Variants in GRM5 observed in about 807,000 individuals in gnomAD.
GRM5 encodes metabotropic glutamate receptor 5.
In GRM5, 19 loss-of-function variants were observed where a neutral mutation model predicts 83.1. The observed-to-expected ratio is 0.23, with a 90% confidence interval of 0.16 to 0.34. The LOEUF (loss-of-function observed/expected upper bound fraction) is 0.34, where lower values mean the gene tolerates loss of function less well. GRM5 is among the 10% of genes least tolerant of loss of function. GRM5 has a pLI of 1.00. For missense variants in GRM5, 1,160 were observed against 1,588.3 expected (o/e 0.73, Z 4.58); for synonymous variants, 675 against 633.6 (o/e 1.07, Z -0.98).
At chr11:88,932,143 C>T (rs991581171) in intron 2 of GRM5, among the ~76,000 whole-genome samples, 3 of 152,038 alleles carry the variant, frequency 2.0e-5, no homozygotes, top group Admixed American at 2.0e-4. Context: ...TTCAACAATC[C>T]ATTTCAAAAA....
intron 3 of GRM5, among the ~76,000 whole-genome samples, chr11:88,703,041 A>T (rs10741500): frequency 0.79 from 120,206 of 152,066 alleles, 51,105 homozygotes; most frequent in Non-Finnish European, 0.96. Context: ...TGGGGGATAT[A>T]ATATCTTGTT....
intron 3 of GRM5, among the ~76,000 whole-genome samples, chr11:88,674,585 A>G (rs780164102): frequency 5.3e-5 from 8 of 151,868 alleles, no homozygotes; most frequent in Non-Finnish European, 1.0e-4. Context: ...AAGGAATGCT[A>G]CCATTGTTCC....
chr11:88,541,530 T>C (rs1410661509), intron 8 of GRM5, among the ~76,000 whole-genome samples: 1 of 152,216 alleles, frequency 6.6e-6, no homozygotes, highest in African/African-American at 2.4e-5. Context: ...GCTCTTCAGA[T>C]TTGTCTAACT....
chr11:88,612,957 A>G (rs183968397), intron 4 of GRM5: 18 of 152,240 alleles, frequency 1.2e-4, no homozygotes, highest in Non-Finnish European at 2.2e-4. Context: ...TTTTTATCCC[A>G]AAGTCATTCA....
At chr11:88,608,244 A>G (rs746593913) in intron 4 of GRM5, among the ~76,000 whole-genome samples, 24 of 152,086 alleles carry the variant, frequency 1.6e-4, no homozygotes, top group Non-Finnish European at 2.4e-4. Flanking sequence ...GTTGGTAACC[A>G]GTGCATGGTG....
intron 4 of GRM5, among the ~76,000 whole-genome samples, chr11:88,632,499 AC>A (rs1051710697): frequency 5.9e-5 from 9 of 152,082 alleles, no homozygotes; most frequent in Non-Finnish European, 1.2e-4. Flanking sequence ...TTTTCTGGCT[AC>A]TTAGACTCAT....
At chr11:88,942,018 A>G (rs551093706) in intron 2 of GRM5, among the ~76,000 whole-genome samples, 1 of 152,184 alleles carries the variant, frequency 6.6e-6, no homozygotes, top group East Asian at 1.9e-4. Context: ...ATGCAAATAT[A>G]TACACCTTAA....
chr11:88,958,843 A>G (rs962071228), intron 2 of GRM5, among the ~76,000 whole-genome samples: 2 of 152,160 alleles, frequency 1.3e-5, no homozygotes, highest in Non-Finnish European at 2.9e-5. Context: ...TTTTATTGAA[A>G]ATTGTATATT....
chr11:88,533,205 C>T (rs1346942387), intron 8 of GRM5, among the ~76,000 whole-genome samples: 1 of 152,186 alleles, frequency 6.6e-6, no homozygotes, highest in Non-Finnish European at 1.5e-5. Flanking sequence ...CACTCCCTGA[C>T]TATCTCTCTG....
At chr11:88,769,781 G>A (rs1011579201) in intron 3 of GRM5, among the ~76,000 whole-genome samples, 3 of 151,730 alleles carry the variant, frequency 2.0e-5, no homozygotes, top group Admixed American at 6.6e-5. Context: ...AATAAGTGGA[G>A]GACAATAATC....
intron 3 of GRM5, among the ~76,000 whole-genome samples, chr11:88,823,977 A>T (rs1227898189): frequency 1.3e-5 from 2 of 152,018 alleles, no homozygotes; most frequent in Non-Finnish European, 2.9e-5. Context: ...TCCAGAAGTA[A>T]CTGCTATCAC....
chr11:88,777,036 TC>T (rs1213185711), intron 3 of GRM5, among the ~76,000 whole-genome samples: 1 of 152,232 alleles, frequency 6.6e-6, no homozygotes, highest in African/African-American at 2.4e-5. Context: ...AAGAGTGTTT[TC>T]CAACTTGGTT....
intron 2 of GRM5, among the ~76,000 whole-genome samples, chr11:88,877,937 A>G (rs1944886841): frequency 6.6e-6 from 1 of 152,162 alleles, no homozygotes; most frequent in African/African-American, 2.4e-5. Flanking sequence ...GCGCACCAGC[A>G]TGGCACATGT....
rs537195152 is a variant in GRM5, at chr11:88,786,825, T to C, written c.911+63081A>G. On this transcript the variant is annotated intron_variant, in intron 3 of 9. Coordinates refer to ENST00000305447, the MANE Select transcript of GRM5 (RefSeq NM_001143831.3). Reference sequence around the variant, plus strand: ...TCGCTCCACTTAAATATGAGCTTCATGAAGACAGGGGCTTCTGTTCGTTTT... The same window carrying C: ...TCGCTCCACTTAAATATGAGCTTCACGAAGACAGGGGCTTCTGTTCGTTTT... Among the ~76,000 whole-genome samples the C allele has an allele frequency of 2.0e-5, 3 of 152,256 alleles. No homozygotes were observed. In the East Asian group the frequency reaches 5.8e-4, roughly 29 times the overall value.
intron 3 of GRM5, among the ~76,000 whole-genome samples, chr11:88,737,312 G>T (rs1007920115): frequency 2.6e-5 from 4 of 152,064 alleles, no homozygotes; most frequent in East Asian, 1.9e-4. Flanking sequence ...GTCCCTGCAT[G>T]TGTAGCCTCT....
chr11:89,064,904 G>C (rs1942066452), intron 1 of GRM5, among the ~76,000 whole-genome samples: 1 of 80,008 alleles, frequency 1.2e-5, no homozygotes, highest in African/African-American at 4.5e-5. Flanking sequence ...GTGTGTGTGT[G>C]TGTGTGTGTG....
At chr11:88,840,692 C>T (rs1483408151) in intron 3 of GRM5, among the ~76,000 whole-genome samples, 2 of 152,210 alleles carry the variant, frequency 1.3e-5, no homozygotes, top group African/African-American at 4.8e-5. Flanking sequence ...TTTGGATCCT[C>T]TTCAACCAGT....
intron 3 of GRM5, among the ~76,000 whole-genome samples, chr11:88,705,038 T>C (rs1170466361): frequency 2.0e-5 from 3 of 152,122 alleles, no homozygotes; most frequent in African/African-American, 4.8e-5. Context: ...GTATATCAAA[T>C]GTTCAAGAGG....
chr11:89,034,303 A>C (rs1168330787), intron 2 of GRM5, among the ~76,000 whole-genome samples: 1 of 151,910 alleles, frequency 6.6e-6, no homozygotes, highest in Non-Finnish European at 1.5e-5. Context: ...ATAAACAAAA[A>C]GGAATTACTT....
Sources: allele counts gnomAD v4.1 joint callset (sites outside exome capture counted in the v4.1 genomes callset), GRCh38; gene constraint gnomAD v4.1.1; transcripts MANE v1.5; gene names NCBI Gene and HGNC (gene_info 2026-07-23, HGNC 2026-07-21).